The following NEK10 variants were observed in gnomAD, a reference collection of about 807,000 sequenced individuals.
The protein encoded by NEK10 is serine/threonine-protein kinase Nek10.
A neutral mutation model predicts 159.8 loss-of-function variants in NEK10; 122 were observed. That is an observed-to-expected ratio of 0.76 (90% CI 0.66 to 0.89). NEK10 has a LOEUF of 0.89. Among genes scored for constraint, NEK10 ranks in the 40% least tolerant of loss-of-function variants. The pLI, the probability that NEK10 is intolerant of heterozygous loss-of-function variation, is 0.00. For synonymous variants in NEK10, 466 were observed against 457.1 expected (o/e 1.02, Z -0.25); for missense variants, 1,342 against 1,323.1 (o/e 1.01, Z -0.22).
intron 30 of NEK10, 104 bp downstream of exon 30, chr3:27,162,597 C>T (rs771583230): frequency 1.2e-6 from 2 of 1,613,972 alleles, no homozygotes; most frequent in Non-Finnish European, 1.7e-6. Flanking sequence ...CAAGAGGCAG[C>T]AAAGCTGAAG....
intron 23 of NEK10, among the ~76,000 whole-genome samples, chr3:27,230,509 C>T (rs1055670449): frequency 2.0e-5 from 3 of 151,796 alleles, no homozygotes; most frequent in African/African-American, 7.3e-5. Flanking sequence ...TAGAATAGTA[C>T]CTCACATCTC....
At chr3:27,319,323 A>G (rs2045449250) in intron 6 of NEK10, among the ~76,000 whole-genome samples, 1 of 152,194 alleles carries the variant, frequency 6.6e-6, no homozygotes, top group Non-Finnish European at 1.5e-5. Context: ...TATATCTTCA[A>G]AATGGCTTCT....
At chr3:27,182,934 G>C (rs780300921) in intron 26 of NEK10, among the ~76,000 whole-genome samples, 6 of 151,954 alleles carry the variant, frequency 3.9e-5, no homozygotes, top group Non-Finnish European at 8.8e-5. Flanking sequence ...GAAGAGGAGA[G>C]GAGAGGGGGG....
At chr3:27,168,877 A>T (rs1386891126) in intron 29 of NEK10, among the ~76,000 whole-genome samples, 2 of 152,100 alleles carry the variant, frequency 1.3e-5, no homozygotes, top group South Asian at 2.1e-4. Flanking sequence ...CTTGTTCTAT[A>T]CCCCTGTTTC....
intron 26 of NEK10, among the ~76,000 whole-genome samples, chr3:27,177,082 T>A (rs957931844): frequency 6.6e-6 from 1 of 152,090 alleles, no homozygotes; most frequent in Admixed American, 6.5e-5. Context: ...CAAGAACCAA[T>A]TGGGTCATAA....
chr3:27,211,483 C>A lies in NEK10; in HGVS notation c.2091-8926G>T, dbSNP rs927293218. ...TCTATTAAAGTCAAAGTCAGATAGA[C>A]CAAGAACCTTTACTATTATAGGTAA... On this transcript the variant is annotated intron_variant, in intron 23 of 35. Coordinates refer to ENST00000691995, the MANE Select transcript of NEK10 (RefSeq NM_001394966.1). Among the ~76,000 whole-genome samples, 5 of 152,122 alleles carry A rather than the reference C, an allele frequency of 3.3e-5. 1 individual carries two copies.
intron 5 of NEK10, among the ~76,000 whole-genome samples, chr3:27,327,958 T>C (rs1367743288): frequency 6.6e-6 from 1 of 151,820 alleles, no homozygotes; most frequent in East Asian, 1.9e-4. Flanking sequence ...CAAGAATATA[T>C]GTGAAGAAAT....
At chr3:27,114,512 T>G (rs546077606) in intron 35 of NEK10, among the ~76,000 whole-genome samples, 3 of 152,288 alleles carry the variant, frequency 2.0e-5, no homozygotes, top group African/African-American at 7.2e-5. Context: ...ATAATTTTAC[T>G]TGTGACTCAT....
At chr3:27,295,825 T>C in intron 14 of NEK10, 135 bp from the exon 15 acceptor site, 2 of 1,178,408 alleles carry the variant, frequency 1.7e-6, no homozygotes, top group Non-Finnish European at 2.2e-6. Flanking sequence ...GAAGTAAACA[T>C]TACAGGACAA....
At chr3:27,280,804 C>T (rs534080244) in intron 22 of NEK10, among the ~76,000 whole-genome samples, 93 of 151,744 alleles carry the variant, frequency 6.1e-4, no homozygotes, top group African/African-American at 2.1e-3. Context: ...AAGCCCCCAG[C>T]CAGAAAGACA....
chr3:27,193,397 T>C (rs1211809856), intron 25 of NEK10, among the ~76,000 whole-genome samples: 1 of 152,112 alleles, frequency 6.6e-6, no homozygotes, highest in Non-Finnish European at 1.5e-5. Flanking sequence ...CTACTCAAAA[T>C]TCTTCAATAG....
chr3:27,171,650 T>C (rs999106245), intron 29 of NEK10, among the ~76,000 whole-genome samples, 169 bp downstream of exon 29: 3 of 152,140 alleles, frequency 2.0e-5, no homozygotes, highest in Non-Finnish European at 2.9e-5. Flanking sequence ...GATCAGTACC[T>C]GTTTCAGTAT....
At chr3:27,364,968 G>C (rs930892983) in intron 1 of NEK10, among the ~76,000 whole-genome samples, 2 of 152,182 alleles carry the variant, frequency 1.3e-5, no homozygotes, top group African/African-American at 2.4e-5. Context: ...GGCCCAGTGA[G>C]GTTCATTCAT....
At chr3:27,122,527 G>A (rs987269745) in intron 32 of NEK10, among the ~76,000 whole-genome samples, 2 of 152,108 alleles carry the variant, frequency 1.3e-5, no homozygotes, top group African/African-American at 4.8e-5. Context: ...GTAGCCCTGA[G>A]CATTCTGTAT....
intron 19 of NEK10, among the ~76,000 whole-genome samples, chr3:27,290,108 CT>C (rs1000276749): frequency 2.6e-5 from 4 of 152,178 alleles, no homozygotes; most frequent in Non-Finnish European, 4.4e-5. Context: ...CTCAAACAAA[CT>C]TTCATAATGA....
chr3:27,150,565 G>C (rs1944730189), intron 30 of NEK10, among the ~76,000 whole-genome samples: 1 of 152,136 alleles, frequency 6.6e-6, no homozygotes, highest in African/African-American at 2.4e-5. Flanking sequence ...CAACTCTTGA[G>C]ATCTACTGCC....
chr3:27,337,445 G>A (rs1283406018), intron 5 of NEK10, among the ~76,000 whole-genome samples: 1 of 151,026 alleles, frequency 6.6e-6, no homozygotes. Context: ...CACAGAAATA[G>A]AAAAAAAAGA....
At chr3:27,340,917 T>C (rs2047157998) in intron 5 of NEK10, among the ~76,000 whole-genome samples, 1 of 152,212 alleles carries the variant, frequency 6.6e-6, no homozygotes, top group African/African-American at 2.4e-5. Context: ...TGCAGCACTG[T>C]TCACAAAAGC....
At chr3:27,350,804 C>G (rs2047915779) in intron 3 of NEK10, among the ~76,000 whole-genome samples, 1 of 152,102 alleles carries the variant, frequency 6.6e-6, no homozygotes, top group Admixed American at 6.6e-5. Flanking sequence ...TCAGCATAAA[C>G]TTCAAAGTTG....
Sources: allele counts gnomAD v4.1 joint callset (sites outside exome capture counted in the v4.1 genomes callset), GRCh38; gene constraint gnomAD v4.1.1; transcripts MANE v1.5; gene names NCBI Gene and HGNC (gene_info 2026-07-23, HGNC 2026-07-21).